Variants in TALDO1 observed in about 807,000 individuals in gnomAD.
TALDO1 encodes the protein transaldolase.
Under a neutral mutation model 38.1 loss-of-function variants are expected in TALDO1, and 29 were observed. The observed-to-expected ratio is 0.76, with a 90% CI of 0.57 to 1.04. The LOEUF is 1.04. TALDO1 is among the 50% of genes least tolerant of loss of function. The probability of loss-of-function intolerance (pLI) is 0.00; values close to 1 mark genes in which losing one functional copy is unlikely to be tolerated. For missense variants in TALDO1, 499 were observed against 438.1 expected, an observed-to-expected ratio of 1.14 and a Z score of -1.24; for synonymous variants, 207 against 176.8, an observed-to-expected ratio of 1.17 and a Z score of -1.36.
chr11:763,384 T>C lies in TALDO1; in HGVS notation c.502T>C (p.Leu168=), dbSNP rs758042374. The C allele has an allele frequency of 1.2e-6, 2 of 1,609,672 alleles. No homozygotes were observed. Among genetic ancestry groups the C allele is most frequent in the South Asian group, 2.2e-5 (2 of 90,940 alleles). The change falls in exon 5 of 8, where the codon TTA becomes CTA. Residue 168 remains leucine, a synonymous_variant. Transcript: ENST00000319006. ...EQHGIHCNMT[L]LFSFAQAVAC... ...GCACGGCATCCACTGCAACATGACG[T>C]TACTCTTCTCCTTCGCCCAGGCTGT...
intron 5 of TALDO1, 68 bp from the exon 6 acceptor site, chr11:763,679 C>T: frequency 6.3e-7 from 1 of 1,585,474 alleles, no homozygotes; most frequent in South Asian, 1.1e-5. Context: ...AGCCGGCAGG[C>T]ACTGGGAGGG....
At chr11:763,690 C>G in intron 5 of TALDO1, 57 bp from the exon 6 acceptor site, 2 of 1,596,014 alleles carry the variant, frequency 1.3e-6, no homozygotes, top group Non-Finnish European at 1.7e-6. Flanking sequence ...ACTGGGAGGG[C>G]AGGTGGGGTG....
intron 4 of TALDO1, 66 bp from the exon 5 acceptor site, chr11:763,278 A>T (rs1261703565): frequency 6.5e-6 from 1 of 152,792 alleles, no homozygotes; most frequent in African/African-American, 7.3e-5. Flanking sequence ...CCCCGCCCTC[A>T]CCCGCCCCCG....
At chr11:760,668 G>A (rs1184944311) in intron 4 of TALDO1, 1 of 228,038 alleles carries the variant, frequency 4.4e-6, no homozygotes, top group Admixed American at 5.1e-5. Flanking sequence ...AGCAATTTGG[G>A]AGGCTGAGAT....
intron 4 of TALDO1, chr11:760,973 G>C (rs1459723715): frequency 6.5e-6 from 1 of 152,992 alleles, no homozygotes; most frequent in East Asian, 1.9e-4. Flanking sequence ...GAAGGTTGCA[G>C]TTAGCTGAGA....
At chr11:762,601 G>A (rs555327740) in intron 4 of TALDO1, among the ~76,000 whole-genome samples, 5 of 152,308 alleles carry the variant, frequency 3.3e-5, no homozygotes, top group South Asian at 2.1e-4. Flanking sequence ...TGTCCCCCTC[G>A]AACACCCCCG....
chr11:755,358 A>G (rs1862816146), intron 1 of TALDO1, among the ~76,000 whole-genome samples: 1 of 151,836 alleles, frequency 6.6e-6, no homozygotes, highest in Admixed American at 6.6e-5. Flanking sequence ...GTTAGCCAGG[A>G]TGGTCTTGAT....
chr11:750,006 C>T (rs1014131171), intron 1 of TALDO1, among the ~76,000 whole-genome samples: 6 of 152,200 alleles, frequency 3.9e-5, no homozygotes, highest in Non-Finnish European at 7.3e-5. Context: ...GGCATGGCAT[C>T]CACACCGGGA....
intron 4 of TALDO1, chr11:760,647 C>T (rs1459803278): frequency 2.0e-5 from 5 of 244,768 alleles, no homozygotes; most frequent in Non-Finnish European, 4.1e-5. Flanking sequence ...ATGGCTCATG[C>T]CTGTAATCCC....
intron 4 of TALDO1, among the ~76,000 whole-genome samples, chr11:762,854 A>C (rs201584538): frequency 1.3e-5 from 2 of 152,314 alleles, no homozygotes; most frequent in East Asian, 3.9e-4. Context: ...TGGCCCCAGG[A>C]ATGGGTAGGG....
At chr11:757,583 T>G in intron 2 of TALDO1, among the ~76,000 whole-genome samples, 1 of 152,182 alleles carries the variant, frequency 6.6e-6, no homozygotes, top group Non-Finnish European at 1.5e-5. Flanking sequence ...CGTGAGCCAC[T>G]GCACCCAGTC....
intron 1 of TALDO1, 118 bp downstream of exon 1, chr11:747,696 C>A: frequency 1.1e-6 from 1 of 899,092 alleles, no homozygotes; most frequent in Non-Finnish European, 1.6e-6. Flanking sequence ...CCGGGCGGCT[C>A]GTTCCGGGAG....
At chr11:757,925 CT>C (rs1862864876) in intron 2 of TALDO1, among the ~76,000 whole-genome samples, 1 of 152,040 alleles carries the variant, frequency 6.6e-6, no homozygotes, top group Non-Finnish European at 1.5e-5. Flanking sequence ...TCCCTTCAGC[CT>C]AAGAGTTCGA....
chr11:764,213 T>C (rs551819525), intron 6 of TALDO1, 75 bp from the exon 7 acceptor site: 2 of 1,611,740 alleles, frequency 1.2e-6, no homozygotes, highest in African/African-American at 1.3e-5. Context: ...GTGCAGCAGT[T>C]CAGGCCCTGA....
chr11:755,205 C>T (rs1237425522), intron 1 of TALDO1, among the ~76,000 whole-genome samples: 7 of 134,568 alleles, frequency 5.2e-5, no homozygotes, highest in Non-Finnish European at 1.1e-4. Context: ...AGTGCAGTGG[C>T]GCGATCTCGG....
Position 764,987 on chromosome 11 carries a change from T to A in TALDO1, c.*142T>A. On this transcript the variant is annotated 3_prime_UTR_variant, in exon 8 of 8. Coordinates refer to ENST00000319006, the MANE Select transcript of TALDO1 (RefSeq NM_006755.2). ...TTCTGATTTTATGTAAAATTTTGCC[T>A]AATACATTAAAGCAGTCACTTTTCC... 2 of 1,174,000 alleles carry A rather than the reference T, an allele frequency of 1.7e-6. No homozygotes were observed. Among genetic ancestry groups the A allele is most frequent in the Non-Finnish European group, 2.5e-6 (2 of 803,230 alleles). 72.7% of individuals were successfully genotyped at this position (1,174,000 alleles called of 1,614,324 possible). A position where few individuals can be genotyped will look rare whatever the true frequency, so the allele number is the denominator to read the frequency against.
chr11:756,282 C>T (rs1157073274), intron 2 of TALDO1: 14 of 463,174 alleles, frequency 3.0e-5, no homozygotes, highest in African/African-American at 2.0e-4. Context: ...ACAGGCCCCT[C>T]CTCCCCTCCT....
intron 2 of TALDO1, 86 bp from the exon 3 acceptor site, chr11:758,864 C>CA (rs1862886127): frequency 9.2e-7 from 1 of 1,083,238 alleles, no homozygotes; most frequent in Non-Finnish European, 1.4e-6. Context: ...CTCGGCCTCC[C>CA]AAAGTGCTGG....
Position 763,982 on chromosome 11 carries a change from C to G in TALDO1, c.835+38C>G, listed in dbSNP as rs774127435. The G allele has an allele frequency of 7.5e-6, 12 of 1,598,318 alleles. No homozygotes were observed. In the Admixed American group the frequency reaches 1.7e-4, roughly 22 times the overall value. On this transcript the variant is annotated intron_variant, in intron 6 of 7. Coordinates refer to ENST00000319006, the MANE Select transcript of TALDO1 (RefSeq NM_006755.2). ...TGCCCAGCTGTGGCTCCTGCTCGGG[C>G]AAGGCCAGCACTGCCGTGCCACGCT...
Sources: allele counts gnomAD v4.1 joint callset (sites outside exome capture counted in the v4.1 genomes callset), GRCh38; gene constraint gnomAD v4.1.1; transcripts MANE v1.5; gene names NCBI Gene and HGNC (gene_info 2026-07-23, HGNC 2026-07-21).